Variants in SPHKAP observed in about 807,000 individuals in gnomAD.
The protein encoded by SPHKAP is A-kinase anchor protein SPHKAP.
In SPHKAP, 67 loss-of-function variants were observed where a neutral mutation model predicts 137.5. The observed-to-expected ratio is 0.49, with a 90% CI of 0.40 to 0.60. The LOEUF (loss-of-function observed/expected upper bound fraction) is 0.60, where lower values mean the gene tolerates loss of function less well. SPHKAP is among the 20% of genes least tolerant of loss of function. The probability of loss-of-function intolerance (pLI) is 0.00; values close to 1 mark genes in which losing one functional copy is unlikely to be tolerated. For missense variants in SPHKAP, 2,097 were observed against 2,069.3 expected (o/e 1.01, Z -0.26); for synonymous variants, 813 against 785.3 (o/e 1.04, Z -0.59).
chr2:228,021,122 G>A (rs1027551581), intron 6 of SPHKAP, among the ~76,000 whole-genome samples: 22 of 152,196 alleles, frequency 1.4e-4, no homozygotes, highest in Admixed American at 5.2e-4. Context: ...GAGGAGGAAC[G>A]CATTGTTCAT....
At position 228,018,628 on chromosome 2, in the gene SPHKAP, G is replaced by T. The variant is rs1382142885; in HGVS notation, c.2226C>A (p.Ile742=). 1 of 1,614,070 alleles carries T rather than the reference G, an allele frequency of 6.2e-7. No individual in the cohort carries two copies. Residue 742 remains isoleucine, a synonymous_variant, in exon 7 of 12, where the codon ATC becomes ATA. Transcript: ENST00000392056. ...ECPAVLSKET[I]RRRETEPSCQ... ...AGCTTGGTTCTGTCTCCCTCCTTCTGATGGTCTCCTTAGAAAGGACAGCAG... is the reference window on the plus strand; with the variant it reads ...AGCTTGGTTCTGTCTCCCTCCTTCTTATGGTCTCCTTAGAAAGGACAGCAG...
At chr2:227,998,746 G>C (rs547082490) in intron 7 of SPHKAP, among the ~76,000 whole-genome samples, 23 of 152,142 alleles carry the variant, frequency 1.5e-4, no homozygotes, top group Non-Finnish European at 2.9e-4. Context: ...CCCATCTTCC[G>C]GGTTTCCTGC....
chr2:228,050,902 G>A (rs1696232314), intron 3 of SPHKAP, among the ~76,000 whole-genome samples: 1 of 152,078 alleles, frequency 6.6e-6, no homozygotes, highest in African/African-American at 2.4e-5. Flanking sequence ...AACTTCCTGG[G>A]CTCAGGTGGT....
chr2:228,098,621 G>A (rs1407045369), intron 3 of SPHKAP, among the ~76,000 whole-genome samples: 3 of 152,100 alleles, frequency 2.0e-5, no homozygotes, highest in Non-Finnish European at 2.9e-5. Context: ...GTGGGGTGGT[G>A]GGGTGGGGGA....
chr2:227,996,684 CT>C (rs1246196213), intron 7 of SPHKAP, among the ~76,000 whole-genome samples: 1 of 152,158 alleles, frequency 6.6e-6, no homozygotes, highest in African/African-American at 2.4e-5. Context: ...TTCTAATTGC[CT>C]TCCCACCCTC....
Position 228,156,222 on chromosome 2 carries a change from C to T in SPHKAP, c.33-24137G>A, listed in dbSNP as rs115237577. The stretch of plus-strand genomic sequence containing the variant: ...CATTCCAGTTGTGATAAAATAGCCA[C>T]AGGAACTGAGAGGATACTTTATTTT... On this transcript the variant is annotated intron_variant, in intron 1 of 11. Transcript: ENST00000392056. 4.7e-3 allele frequency among the ~76,000 whole-genome samples: 716 copies of T among 152,296 alleles called. 4 individuals are homozygous for T. Among genetic ancestry groups the T allele is most frequent in the South Asian group, 0.022 (104 of 4,824 alleles).
chr2:228,139,905 A>C (rs374171163), intron 1 of SPHKAP, among the ~76,000 whole-genome samples: 6 of 90,634 alleles, frequency 6.6e-5, no homozygotes, highest in Admixed American at 1.3e-4. Context: ...TTATTTCTTT[A>C]TTTATTTTCT....
At chr2:228,102,794 G>A (rs1002139814) in intron 3 of SPHKAP, among the ~76,000 whole-genome samples, 1 of 152,108 alleles carries the variant, frequency 6.6e-6, no homozygotes, top group African/African-American at 2.4e-5. Flanking sequence ...CCCGGCTGGA[G>A]TGCAATGGTG....
At chr2:227,982,056 T>A (rs1181527847) in intron 11 of SPHKAP, 196 bp from the exon 12 acceptor site, 13 of 931,850 alleles carry the variant, frequency 1.4e-5, no homozygotes, top group Non-Finnish European at 1.5e-5. Flanking sequence ...AGTGAATTTT[T>A]TTTTTTTTTT....
At chr2:228,082,278 G>A (rs1331337539) in intron 3 of SPHKAP, among the ~76,000 whole-genome samples, 1 of 152,156 alleles carries the variant, frequency 6.6e-6, no homozygotes, top group Admixed American at 6.6e-5. Context: ...GAAGACCTGA[G>A]TTCAGGCTCA....
intron 1 of SPHKAP, among the ~76,000 whole-genome samples, chr2:228,134,958 T>C (rs1389426765): frequency 6.6e-6 from 1 of 152,008 alleles, no homozygotes; most frequent in Non-Finnish European, 1.5e-5. Context: ...GGCCGCTCCT[T>C]CCAGATATGA....
intron 3 of SPHKAP, among the ~76,000 whole-genome samples, chr2:228,076,984 C>T (rs976364658): frequency 6.6e-6 from 1 of 152,158 alleles, no homozygotes; most frequent in Non-Finnish European, 1.5e-5. Flanking sequence ...AGTCTTGGTG[C>T]CCTGCATCCC....
At chr2:228,150,466 C>T (rs1323577898) in intron 1 of SPHKAP, among the ~76,000 whole-genome samples, 1 of 152,050 alleles carries the variant, frequency 6.6e-6, no homozygotes, top group Non-Finnish European at 1.5e-5. Flanking sequence ...GTAGACTATT[C>T]GTGGTTTCCA....
intron 11 of SPHKAP, 144 bp from the exon 12 acceptor site, chr2:227,982,004 A>G: frequency 7.8e-7 from 1 of 1,279,508 alleles, no homozygotes; most frequent in Non-Finnish European, 9.9e-7. Flanking sequence ...GGGATAATCT[A>G]TTTTCTTTTT....
chr2:228,041,120 T>C (rs1292312531), intron 3 of SPHKAP, among the ~76,000 whole-genome samples: 1 of 152,206 alleles, frequency 6.6e-6, no homozygotes, highest in African/African-American at 2.4e-5. Context: ...CTATATGATT[T>C]TTTAGGAATA....
At chr2:228,128,047 G>A (rs6719186) in intron 2 of SPHKAP, among the ~76,000 whole-genome samples, 51,964 of 151,928 alleles carry the variant, frequency 0.34, 9,171 homozygotes, top group East Asian at 0.5. Flanking sequence ...TGATCAAGGT[G>A]GTGGACGCTG....
chr2:228,041,805 A>C (rs1695861397), intron 3 of SPHKAP, among the ~76,000 whole-genome samples: 1 of 152,038 alleles, frequency 6.6e-6, no homozygotes, highest in Non-Finnish European at 1.5e-5. Context: ...GGAGCGGAGG[A>C]CACTGGCCGT....
At chr2:228,114,037 G>A (rs1157257855) in intron 2 of SPHKAP, among the ~76,000 whole-genome samples, 1 of 152,110 alleles carries the variant, frequency 6.6e-6, no homozygotes, top group Non-Finnish European at 1.5e-5. Context: ...CAATTTTGAA[G>A]CTTTATGAAT....
chr2:227,982,447 C>G lies in SPHKAP; in HGVS notation c.4960-587G>C, dbSNP rs964274770. 7 of 814,460 alleles carry G rather than the reference C, an allele frequency of 8.6e-6. No homozygotes were observed. The African/African-American group carries it at 1.3e-4, about 15-fold the overall frequency. 50.5% of individuals were successfully genotyped at this position (814,460 alleles called of 1,614,324 possible). The stretch of plus-strand genomic sequence containing the variant: ...GGAGGAAACACCTTAGATTTGTCAC[C>G]TGGGTATTGGTACCAGTTCTATTGG... On this transcript the variant is annotated intron_variant, in intron 11 of 11. Transcript: ENST00000392056.
Sources: allele counts gnomAD v4.1 joint callset (sites outside exome capture counted in the v4.1 genomes callset), GRCh38; gene constraint gnomAD v4.1.1; transcripts MANE v1.5; gene names NCBI Gene and HGNC (gene_info 2026-07-23, HGNC 2026-07-21).